Variants in SNED1 observed in about 807,000 individuals in gnomAD.
The protein encoded by SNED1 is sushi, nidogen and EGF like domains 1, also known as sushi, nidogen and EGF-like domain-containing protein 1.
SNED1 carries 81 observed loss-of-function variants against 166.7 expected under a neutral mutation model. The observed-to-expected ratio is 0.49, with a 90% CI of 0.41 to 0.58. The LOEUF (loss-of-function observed/expected upper bound fraction) is 0.58, where lower values mean the gene tolerates loss of function less well. Ranked by LOEUF, SNED1 falls within the 20% of genes least tolerant of loss-of-function variation. SNED1 has a pLI of 0.00. For missense variants in SNED1, 1,604 were observed against 2,000.2 expected (o/e 0.80, Z 3.78); for synonymous variants, 762 against 822.0 (o/e 0.93, Z 1.25).
chr2:241,004,188 C>A (rs2060154357), intron 1 of SNED1, among the ~76,000 whole-genome samples: 1 of 152,250 alleles, frequency 6.6e-6, no homozygotes, highest in South Asian at 2.1e-4. Context: ...ACTGATAAAA[C>A]TGCAGTCTGA....
chr2:241,049,206 G>A (rs539675342), intron 11 of SNED1, 71 bp downstream of exon 11: 2 of 1,163,718 alleles, frequency 1.7e-6, no homozygotes, highest in South Asian at 2.6e-5. Flanking sequence ...CGGTGGATGA[G>A]GCAGGCAGAG....
intron 8 of SNED1, chr2:241,040,809 A>G (rs886938430): frequency 3.4e-5 from 16 of 475,110 alleles, no homozygotes; most frequent in African/African-American, 3.0e-4. Context: ...TCAGCACACA[A>G]GGGAAAGTAA....
chr2:241,017,965 C>T (rs1030840298), intron 1 of SNED1, among the ~76,000 whole-genome samples: 2 of 152,210 alleles, frequency 1.3e-5, no homozygotes, highest in Non-Finnish European at 2.9e-5. Flanking sequence ...ATGACCAACT[C>T]GTCCTGGTTT....
intron 18 of SNED1, 116 bp from the exon 19 acceptor site, chr2:241,063,896 C>T (rs2062327481): frequency 3.6e-6 from 3 of 839,814 alleles, no homozygotes; most frequent in South Asian, 3.3e-5. Flanking sequence ...TGCCCACTGC[C>T]CCTCTCTCCT....
chr2:241,032,977 T>A (rs924856740), intron 2 of SNED1, among the ~76,000 whole-genome samples: 10 of 152,262 alleles, frequency 6.6e-5, no homozygotes, highest in African/African-American at 2.4e-4. Flanking sequence ...TGGATTTTTT[T>A]AAGTATTCGG....
At chr2:241,024,295 G>GAGTGC (rs2060875460) in intron 1 of SNED1, among the ~76,000 whole-genome samples, 2 of 128,826 alleles carry the variant, frequency 1.6e-5, no homozygotes, top group African/African-American at 6.1e-5. Context: ...ACCCAGGCTG[G>GAGTGC]AGTGCAGTGG....
chr2:241,036,335 C>A (rs937678570), intron 4 of SNED1, among the ~76,000 whole-genome samples: 1 of 151,456 alleles, frequency 6.6e-6, no homozygotes, highest in Non-Finnish European at 1.5e-5. Context: ...GGCCGCCCAG[C>A]ATCCGAGGGA....
Position 241,069,688 on chromosome 2 carries a change from G to T in SNED1, c.3308-232G>T, listed in dbSNP as rs1197857379. On this transcript the variant is annotated intron_variant, in intron 23 of 31. Transcript: ENST00000310397. The surrounding 1 kb of genome is among the most constrained non-coding windows in gnomAD (Gnocchi z 4.9). ...GGCCAGGGCCTGGGGGCTTCACAGG[G>T]TGGATCCTAACCCGAGGGGAGGGTG... is the stretch of plus-strand genomic sequence containing the variant. Among the ~76,000 whole-genome samples the T allele has an allele frequency of 6.6e-6, 1 of 152,134 alleles. No individual in the cohort carries two copies.
intron 16 of SNED1, among the ~76,000 whole-genome samples, chr2:241,054,684 A>C (rs2061990420): frequency 1.3e-5 from 2 of 152,276 alleles, no homozygotes; most frequent in African/African-American, 4.8e-5. Context: ...CAGTGGGAAT[A>C]AGCAGATTAA....
intron 27 of SNED1, among the ~76,000 whole-genome samples, chr2:241,076,716 G>A (rs1392394931): frequency 6.6e-6 from 1 of 152,030 alleles, no homozygotes; most frequent in Non-Finnish European, 1.5e-5. Context: ...ATGGGTTAAG[G>A]ATAGGCATTT....
At position 241,077,401 on chromosome 2, in the gene SNED1, C is replaced by G. The variant is rs149018478; in HGVS notation, c.3916+4037C>G. 4.7e-3 allele frequency among the ~76,000 whole-genome samples: 718 copies of G among 152,220 alleles called. 5 individuals carry two copies. Among genetic ancestry groups the G allele is most frequent in the Non-Finnish European group, 7.7e-3 (527 of 68,016 alleles). On this transcript the variant is annotated intron_variant, in intron 27 of 31. Coordinates refer to ENST00000310397, the MANE Select transcript of SNED1 (RefSeq NM_001080437.3). ...TCAACAATAAAAGTATGAGCAACAA[C>G]AAAAATCTATATATAAACTACTCTT...
rs530296412 is a variant in SNED1 at position 241,033,934 on chromosome 2, G to C, written c.642+59G>C. The C allele has an allele frequency of 1.1e-4, 161 of 1,526,206 alleles. No homozygotes were observed. In the South Asian group the frequency reaches 2.0e-3, roughly 19 times the overall value. The allele number at this position is 1,526,206 out of a possible 1,614,324, so 94.5% of individuals were successfully genotyped here. On this transcript the variant is annotated intron_variant, in intron 3 of 31. Transcript: ENST00000310397. ...ACCCCTGCTCCCCACAGCCAGGACT[G>C]TCATGAGCTGATGAGGTAGGCAGGG...
At position 241,049,940 on chromosome 2, in the gene SNED1, C is replaced by T. The variant is rs531975345; in HGVS notation, c.1735+7C>T. 165 of 1,606,500 alleles carry T rather than the reference C, an allele frequency of 1.0e-4. No individual in the cohort carries two copies. Among genetic ancestry groups the T allele is most frequent in the Non-Finnish European group, 1.4e-4 (160 of 1,174,128 alleles). On this transcript the variant is annotated splice_region_variant and intron_variant, in intron 12 of 31. Coordinates refer to ENST00000310397, the MANE Select transcript of SNED1 (RefSeq NM_001080437.3). Reference sequence around the variant, plus strand: ...GGCAAGCACTGCGAGAAAGGTATGGCGGGCAGGGGCGTCCGGGCCGGCGTC... The same window carrying T: ...GGCAAGCACTGCGAGAAAGGTATGGTGGGCAGGGGCGTCCGGGCCGGCGTC...
rs755085174 is a variant in SNED1 at position 241,073,346 on chromosome 2, G to C, written c.3898G>C (p.Gly1300Arg). The C allele has an allele frequency of 1.3e-6, 2 of 1,572,674 alleles. No homozygotes were observed. Among genetic ancestry groups the C allele is most frequent in the Non-Finnish European group, 1.7e-6 (2 of 1,160,178 alleles). Residue 1300 changes from glycine (G) to arginine (R), a missense_variant, in exon 27 of 32, where the codon GGC (glycine) becomes CGC (arginine). Coordinates refer to ENST00000310397, the MANE Select transcript of SNED1 (RefSeq NM_001080437.3). This position sits in a 1 kb window ranked among gnomAD's most constrained non-coding sequence, Gnocchi z 6.6. Reference protein sequence around the residue: ...VSLALQLPEHGSKDIGNVPGN... With the variant: ...VSLALQLPEHRSKDIGNVPGN... ...CCTGGCCCTCCAGCTCCCTGAACAC[G>C]GCAGCAAGGACATCGGAAGTGAGTC...
In SNED1 at chr2:241,078,239, T is replaced by C. The variant is rs75891584; in HGVS notation, c.3917-3438T>C. Among the ~76,000 whole-genome samples the C allele has an allele frequency of 0.014, 2,061 of 151,458 alleles. 120 individuals are homozygous for C. The East Asian group carries it at 0.15, about 11-fold the overall frequency. On this transcript the variant is annotated intron_variant, in intron 27 of 31. Coordinates refer to ENST00000310397, the MANE Select transcript of SNED1 (RefSeq NM_001080437.3). ...CTCTACTAAAAATACAAAAATTAGC[T>C]GGGCGTGGTGGCGGGCGCCTGTAGT...
At chr2:241,011,211 G>GGGTCTCCTGGGTCTCCTGGGGGTTGCA (rs1214158348) in intron 1 of SNED1, among the ~76,000 whole-genome samples, 1 of 135,376 alleles carries the variant, frequency 7.4e-6, no homozygotes, top group Non-Finnish European at 1.6e-5. Flanking sequence ...CAGGTCTCCT[G>GGGTCTCCTGGGTCTCCTGGGGGTTGCA]GGTCTCCTGG....
rs527305216 is a variant in SNED1, at chr2:241,068,540, CGTT to C, written c.3195-368_3195-366del. On this transcript the variant is annotated intron_variant, in intron 22 of 31. Transcript: ENST00000310397. The surrounding 1 kb of genome is among the most constrained non-coding windows in gnomAD (Gnocchi z 5.3). ...TGGGGCTGGGGTGGCATTGGCCTCA[CGTT>C]GTCCTGTGGTTTCCTGAGAATTTAC... Among the ~76,000 whole-genome samples the C allele has an allele frequency of 5.9e-4, 89 of 152,070 alleles. No individual in the cohort carries two copies. Among genetic ancestry groups the C allele is most frequent in the Admixed American group, 9.8e-4 (15 of 15,282 alleles).
At chr2:241,043,380 C>T (rs1023335537) in intron 8 of SNED1, among the ~76,000 whole-genome samples, 1 of 152,150 alleles carries the variant, frequency 6.6e-6, no homozygotes, top group Non-Finnish European at 1.5e-5. Context: ...AAAGAAAAAA[C>T]CATCAACCTA....
At chr2:241,089,153 A>G (rs981627929) in intron 31 of SNED1, 1 of 714,952 alleles carries the variant, frequency 1.4e-6, no homozygotes, top group Non-Finnish European at 2.3e-6. Flanking sequence ...TACCATAGAA[A>G]GCCATCTACA....
Sources: gnomAD v4.1 joint callset for allele counts (sites outside exome capture counted in the v4.1 genomes callset) on GRCh38, gnomAD v4.1.1 for gene constraint, Gnocchi (gnomAD v3.1) non-coding constraint, MANE v1.5 for transcripts, NCBI Gene and HGNC (gene_info 2026-07-23, HGNC 2026-07-21) for gene names.